TPST2: variants seen among roughly 807,000 people sequenced by gnomAD.
The protein encoded by TPST2 is protein-tyrosine sulfotransferase 2.
TPST2 carries 16 observed loss-of-function variants against 27.8 expected under a neutral mutation model. The ratio of observed to expected loss-of-function variants is 0.58; its 90% CI spans 0.39 to 0.88. The LOEUF is 0.88. Among genes scored for constraint, TPST2 ranks in the 40% least tolerant of loss-of-function variants. TPST2 has a pLI of 0.00. For missense variants in TPST2, 464 were observed against 543.1 expected (o/e 0.85, Z 1.45); for synonymous variants, 229 against 231.7 (o/e 0.99, Z 0.10).
chr22:26,566,776 C>A (rs1158184692), intron 1 of TPST2, among the ~76,000 whole-genome samples: 1 of 151,924 alleles, frequency 6.6e-6, no homozygotes, highest in Non-Finnish European at 1.5e-5. Context: ...AACAAACAAA[C>A]AAACAAACAA....
At chr22:26,533,824 G>T (rs1053388863) in intron 4 of TPST2, among the ~76,000 whole-genome samples, 1 of 152,000 alleles carries the variant, frequency 6.6e-6, no homozygotes, top group Admixed American at 6.6e-5. Context: ...ATAGGCACGT[G>T]CCACCATGCC....
At chr22:26,561,303 T>C (rs547168655) in intron 1 of TPST2, among the ~76,000 whole-genome samples, 98 of 152,294 alleles carry the variant, frequency 6.4e-4, no homozygotes, top group African/African-American at 2.3e-3. Flanking sequence ...TTTTTTTGTA[T>C]AGTTAACACA....
At position 26,541,425 on chromosome 22, in the gene TPST2, G is replaced by T; in HGVS notation, c.206C>A (p.Pro69Gln). 6.3e-7 allele frequency: 1 copy of T among 1,580,972 alleles called. No individual in the cohort carries two copies. Among genetic ancestry groups the T allele is most frequent in the Non-Finnish European group, 8.6e-7 (1 of 1,162,886 alleles). Residue 69 changes from proline (P) to glutamine (Q), a missense_variant, in exon 3 of 7, where the codon CCG becomes CAG. By Grantham distance (76) the Pro-to-Gln change is moderately conservative (BLOSUM62 -1). Transcript: ENST00000338754. The surrounding 1 kb of genome is among the most constrained non-coding windows in gnomAD (Gnocchi z 5.9). ...AGGCACGCCACCCACGAAGATGAGC[G>T]GCATGGCCTTGCCATAGCGGTATTC... ...HVEYRYGKAM[P>Q]LIFVGGVPRS...
chr22:26,574,440 T>A (rs910586085), intron 1 of TPST2, among the ~76,000 whole-genome samples: 7 of 152,272 alleles, frequency 4.6e-5, no homozygotes, highest in African/African-American at 7.2e-5. Context: ...AGAGTTGCTA[T>A]CATCCCACAA....
rs9613205 is a variant in TPST2 at position 26,557,236 on chromosome 22, C to A, written c.-160-12561G>T. Among the ~76,000 whole-genome samples, 192 of 152,324 alleles carry A rather than the reference C, an allele frequency of 1.3e-3. 1 individual carries two copies. Among genetic ancestry groups the A allele is most frequent in the Admixed American group, 1.4e-3 (21 of 15,304 alleles). Reference sequence around the variant, plus strand: ...ATGGCCCTGAGGGAAAGCAAACATCCGCAGTGGATGAGGGGAGGCACAGGC... The same window carrying A: ...ATGGCCCTGAGGGAAAGCAAACATCAGCAGTGGATGAGGGGAGGCACAGGC... On this transcript the variant is annotated intron_variant, in intron 1 of 6. Coordinates refer to ENST00000338754, the MANE Select transcript of TPST2 (RefSeq NM_003595.5).
chr22:26,557,728 G>A (rs145022588), intron 1 of TPST2, among the ~76,000 whole-genome samples: 3 of 117,600 alleles, frequency 2.6e-5, no homozygotes, highest in Non-Finnish European at 5.7e-5. Context: ...GATAGCTGCT[G>A]GGGGACCCAG....
At chr22:26,563,562 C>T (rs1227380403) in intron 1 of TPST2, among the ~76,000 whole-genome samples, 1 of 152,004 alleles carries the variant, frequency 6.6e-6, no homozygotes, top group Non-Finnish European at 1.5e-5. Flanking sequence ...ATCTCCTGAC[C>T]TTGTGATCCA....
chr22:26,553,861 C>T (rs1409264077), intron 1 of TPST2, among the ~76,000 whole-genome samples: 1 of 152,134 alleles, frequency 6.6e-6, no homozygotes, highest in East Asian at 1.9e-4. Flanking sequence ...GTAGTTGTTA[C>T]ACTGTATTGT....
Position 26,523,068 on chromosome 22 carries a change from TG to T in TPST2, c.*3206del, listed in dbSNP as rs1924642284. ...TGTTTGCAGGAGTTAGAGGTTGCAG[TG>T]AGCTGTGTTTGCAGGAGTTAGAGGT... On this transcript the variant is annotated 3_prime_UTR_variant, in exon 7 of 7. Coordinates refer to ENST00000338754, the MANE Select transcript of TPST2 (RefSeq NM_003595.5). The T allele has an allele frequency of 6.6e-6, 1 of 150,498 alleles. No homozygotes were observed. Among genetic ancestry groups the T allele is most frequent in the Non-Finnish European group, 1.5e-5 (1 of 67,262 alleles). 9.3% of individuals were successfully genotyped at this position (150,498 alleles called of 1,614,324 possible). A position where few individuals can be genotyped will look rare whatever the true frequency, so the allele number is the denominator to read the frequency against.
At chr22:26,577,551 G>A (rs961092625) in intron 1 of TPST2, among the ~76,000 whole-genome samples, 3 of 151,108 alleles carry the variant, frequency 2.0e-5, no homozygotes, top group South Asian at 2.1e-4. Flanking sequence ...GGGTTTCACC[G>A]TGTTAGCCAG....
chr22:26,577,286 T>C (rs1053169394), intron 1 of TPST2, among the ~76,000 whole-genome samples: 14 of 136,862 alleles, frequency 1.0e-4, no homozygotes, highest in African/African-American at 3.4e-4. Context: ...AAAAAAAAAG[T>C]GAACATGCAT....
chr22:26,559,410 A>G (rs924126452), intron 1 of TPST2, among the ~76,000 whole-genome samples: 15 of 152,266 alleles, frequency 9.9e-5, no homozygotes, highest in Non-Finnish European at 1.9e-4. Flanking sequence ...GGTCTTTAGT[A>G]TAATCACAGG....
At chr22:26,556,396 C>A (rs1926794038) in intron 1 of TPST2, among the ~76,000 whole-genome samples, 1 of 152,058 alleles carries the variant, frequency 6.6e-6, no homozygotes, top group African/African-American at 2.4e-5. Flanking sequence ...AAAAATTAGC[C>A]AGGCGTGGTG....
At chr22:26,581,909 G>C (rs1443388342) in intron 1 of TPST2, among the ~76,000 whole-genome samples, 2 of 152,198 alleles carry the variant, frequency 1.3e-5, no homozygotes, top group African/African-American at 4.8e-5. Flanking sequence ...TTACACAACA[G>C]CAGCCACAGA....
chr22:26,529,904 A>C (rs1202132900), intron 5 of TPST2, among the ~76,000 whole-genome samples: 1 of 151,788 alleles, frequency 6.6e-6, no homozygotes, highest in Non-Finnish European at 1.5e-5. Flanking sequence ...AGAGCTAGGG[A>C]CCATGGCTTT....
In TPST2 at chr22:26,522,059, AGCCTTC is replaced by A. The variant is rs1176824152; in HGVS notation, c.*4210_*4215del. 1 of 152,186 alleles carries A rather than the reference AGCCTTC, an allele frequency of 6.6e-6. No individual in the cohort carries two copies. The highest frequency in any genetic ancestry group is 2.4e-5 in the African/African-American group (1 of 41,430). 9.4% of individuals were successfully genotyped at this position (152,186 alleles called of 1,614,324 possible). A position where few individuals can be genotyped will look rare whatever the true frequency, so the allele number is the denominator to read the frequency against. On this transcript the variant is annotated 3_prime_UTR_variant, in exon 7 of 7. Transcript: ENST00000338754. ...TAATCATTATAGCTACCATGTATTA[AGCCTTC>A]ACCATGGGGCTGTTAAGTCTTCATT... is the stretch of plus-strand genomic sequence containing the variant.
Position 26,541,106 on chromosome 22 carries a change from G to A in TPST2, c.525C>T (p.Asn175=). Residue 175 remains asparagine (N), a synonymous_variant, in exon 3 of 7, where the codon AAC becomes AAT. Transcript: ENST00000338754. The surrounding 1 kb of genome is among the most constrained non-coding windows in gnomAD (Gnocchi z 5.9). The part of the protein sequence containing the change: ...SSVYLSRLFP[N]SKFLLMVRDG... ...CCCGCACCATCAGCAGGAACTTGGA[G>A]TTGGGGAACAGGCGCGACAGGTAGA... is the stretch of plus-strand genomic sequence containing the variant. 1 of 1,607,490 alleles carries A rather than the reference G, an allele frequency of 6.2e-7. No individual in the cohort carries two copies. The highest frequency in any genetic ancestry group is 1.1e-5 in the South Asian group (1 of 90,844).
intron 1 of TPST2, among the ~76,000 whole-genome samples, chr22:26,554,535 G>C: frequency 6.6e-6 from 1 of 152,238 alleles, no homozygotes; most frequent in East Asian, 1.9e-4. Flanking sequence ...ACACCTGGCT[G>C]ATTCCTAGCA....
intron 1 of TPST2, among the ~76,000 whole-genome samples, chr22:26,557,708 G>A (rs183244343): frequency 8.2e-4 from 123 of 149,882 alleles, no homozygotes; most frequent in African/African-American, 2.7e-3. Flanking sequence ...ACAAGGGCTG[G>A]AGGCCAAGTG....
Sources: gnomAD v4.1 joint callset for allele counts (sites outside exome capture counted in the v4.1 genomes callset) on GRCh38, gnomAD v4.1.1 for gene constraint, Gnocchi (gnomAD v3.1) non-coding constraint, MANE v1.5 for transcripts, NCBI Gene and HGNC (gene_info 2026-07-23, HGNC 2026-07-21) for gene names.